BRSK2: variants seen among roughly 807,000 people sequenced by gnomAD.
The protein encoded by BRSK2 is serine/threonine-protein kinase BRSK2.
In BRSK2, 19 loss-of-function variants were observed where a neutral mutation model predicts 83.3. The ratio of observed to expected loss-of-function variants is 0.23; its 90% CI spans 0.16 to 0.33. The LOEUF (loss-of-function observed/expected upper bound fraction) is 0.33, where lower values mean the gene tolerates loss of function less well. BRSK2 is among the 10% of genes least tolerant of loss of function. The pLI, the probability that BRSK2 is intolerant of heterozygous loss-of-function variation, is 1.00. For synonymous variants in BRSK2, 519 were observed against 435.4 expected (o/e 1.19, Z -2.39); for missense variants, 798 against 1,042.3 (o/e 0.77, Z 3.23).
chr11:1,426,597 C>T (rs553348020), intron 1 of BRSK2, among the ~76,000 whole-genome samples: 12 of 152,152 alleles, frequency 7.9e-5, no homozygotes, highest in East Asian at 7.7e-4. Flanking sequence ...GTGAAGGTGC[C>T]GCGTGTCTTC....
At chr11:1,418,379 G>A (rs1216710361) in intron 1 of BRSK2, among the ~76,000 whole-genome samples, 1 of 147,932 alleles carries the variant, frequency 6.8e-6, no homozygotes, top group East Asian at 2.0e-4. Context: ...TTGAGAGTGG[G>A]TCACCTGTAT....
intron 14 of BRSK2, 117 bp from the exon 15 acceptor site, chr11:1,451,254 T>C (rs745627668): frequency 6.6e-6 from 8 of 1,207,898 alleles, no homozygotes; most frequent in Non-Finnish European, 9.7e-6. Context: ...CTGGGGGGGC[T>C]GTCCCAGTGT....
intron 3 of BRSK2, among the ~76,000 whole-genome samples, chr11:1,440,350 C>T (rs1044188405): frequency 6.6e-6 from 1 of 152,174 alleles, no homozygotes; most frequent in Non-Finnish European, 1.5e-5. Context: ...CCCCTGGATG[C>T]GGCTGCGTGG....
intron 8 of BRSK2, 42 bp from the exon 9 acceptor site, chr11:1,444,929 G>GT (rs1204891174): frequency 1.3e-6 from 2 of 1,593,632 alleles, no homozygotes; most frequent in African/African-American, 2.7e-5. Flanking sequence ...GGCTCTTTCC[G>GT]TCCCTCGTCC....
Position 1,460,460 on chromosome 11 carries a change from C to CTTTTTTTTTTTTTTTT in BRSK2, c.1988-40_1988-39insTTTTTTTTTTTTTTTT, listed in dbSNP as rs781049550. The CTTTTTTTTTTTTTTTT allele has an allele frequency of 3.6e-6, 4 of 1,122,766 alleles. 1 individual carries two copies. The highest frequency in any genetic ancestry group is 4.5e-6 in the Non-Finnish European group (4 of 890,118). The allele number at this position is 1,122,766 out of a possible 1,614,324, so 69.6% of individuals were successfully genotyped here. A position where few individuals can be genotyped will look rare whatever the true frequency, so the allele number is the denominator to read the frequency against. On this transcript the variant is annotated intron_variant, in intron 19 of 19. Transcript: ENST00000528841. The stretch of plus-strand genomic sequence containing the variant: ...TCTCTCCCCCTTTTTTTTCTTTTTT[C>CTTTTTTTTTTTTTTTT]CTTTTTTTTTTTTTTTTTGTCTCTG...
chr11:1,440,198 C>A (rs1325246089), intron 3 of BRSK2, among the ~76,000 whole-genome samples: 1 of 152,168 alleles, frequency 6.6e-6, no homozygotes, highest in Non-Finnish European at 1.5e-5. Context: ...TCAGGACCCT[C>A]CATGTGGCTG....
At chr11:1,439,243 C>A (rs191024123) in intron 3 of BRSK2, among the ~76,000 whole-genome samples, 1 of 152,204 alleles carries the variant, frequency 6.6e-6, no homozygotes, top group African/African-American at 2.4e-5. Context: ...TCCCCTTCCC[C>A]CAGCAGCAAC....
intron 12 of BRSK2, among the ~76,000 whole-genome samples, chr11:1,449,391 T>G (rs1590639172): frequency 6.6e-6 from 1 of 152,218 alleles, no homozygotes; most frequent in African/African-American, 2.4e-5. Flanking sequence ...GCTTGGCAGG[T>G]GGGAGGCTGG....
chr11:1,460,597 G>C lies in BRSK2; in HGVS notation c.2085G>C (p.Arg695=). ...AGGCCCCCAGCACGCCCGCCAAGCGGAGTGCCCACGGCCCACTCGGTGACT... is the reference window on the plus strand; with the variant it reads ...AGGCCCCCAGCACGCCCGCCAAGCGCAGTGCCCACGGCCCACTCGGTGACT... ...AAQAPSTPAK[R]SAHGPLGDSA... Residue 695 remains arginine, a synonymous_variant, in exon 20 of 20, where the codon CGG becomes CGC. Transcript: ENST00000528841. The C allele has an allele frequency of 6.5e-7, 1 of 1,532,882 alleles. No homozygotes were observed. Among genetic ancestry groups the C allele is most frequent in the Non-Finnish European group, 8.7e-7 (1 of 1,145,068 alleles). 95.0% of individuals were successfully genotyped at this position (1,532,882 alleles called of 1,614,324 possible). A position where few individuals can be genotyped will look rare whatever the true frequency, so the allele number is the denominator to read the frequency against.
intron 1 of BRSK2, among the ~76,000 whole-genome samples, chr11:1,421,666 G>A (rs916233522): frequency 1.3e-5 from 2 of 152,154 alleles, no homozygotes; most frequent in African/African-American, 2.4e-5. Context: ...TGAGGGCCTC[G>A]CTCCTTCCTG....
At chr11:1,460,052 C>T (rs1000531021) in intron 19 of BRSK2, among the ~76,000 whole-genome samples, 2 of 130,392 alleles carry the variant, frequency 1.5e-5, no homozygotes, top group African/African-American at 2.9e-5. Context: ...TCATCTCCGG[C>T]GTTGGGGTGG....
chr11:1,443,250 C>A, intron 6 of BRSK2, 85 bp from the exon 7 acceptor site: 1 of 1,522,002 alleles, frequency 6.6e-7, no homozygotes. Flanking sequence ...TGCCTGTCCC[C>A]GGGCCGACTC....
At position 1,423,538 on chromosome 11, in the gene BRSK2, C is replaced by G. The variant is rs994481852; in HGVS notation, c.92-12502C>G. ...TCGTGTGAGCAGAGGACGGCACTCG[C>G]GAGCTCCCTGGGGCTCCTCAGACCC... is the stretch of plus-strand genomic sequence containing the variant. On this transcript the variant is annotated intron_variant, in intron 1 of 19. Transcript: ENST00000528841. This position sits in a 1 kb window ranked among gnomAD's most constrained non-coding sequence, Gnocchi z 6.5. Among the ~76,000 whole-genome samples the G allele has an allele frequency of 6.6e-6, 1 of 152,094 alleles. No individual in the cohort carries two copies. The highest frequency in any genetic ancestry group is 2.4e-5 in the African/African-American group (1 of 41,400).
rs765134335 is a variant in BRSK2 at position 1,451,329 on chromosome 11, G to A, written c.1496-42G>A. 6 of 1,611,062 alleles carry A rather than the reference G, an allele frequency of 3.7e-6. No individual in the cohort carries two copies. In the African/African-American group the frequency reaches 6.7e-5, roughly 18 times the overall value. On this transcript the variant is annotated intron_variant, in intron 14 of 19. Transcript: ENST00000528841. ...GTGGCCAGGGCAGGGGAAGGATGGA[G>A]CGGTCACCACGCCTTTCCTCCTGTT...
At chr11:1,458,060 G>C (rs1846863124) in intron 18 of BRSK2, among the ~76,000 whole-genome samples, 1 of 152,150 alleles carries the variant, frequency 6.6e-6, no homozygotes. Flanking sequence ...CTTCATCTTA[G>C]GAAGGGAAAC....
intron 1 of BRSK2, among the ~76,000 whole-genome samples, chr11:1,416,842 A>G (rs1163708644): frequency 1.3e-5 from 2 of 152,106 alleles, no homozygotes; most frequent in Admixed American, 6.6e-5. Flanking sequence ...CATTTGGGGA[A>G]ATTCTTCATT....
chr11:1,440,635 G>A (rs1044114294), intron 3 of BRSK2, among the ~76,000 whole-genome samples, 153 bp from the exon 4 acceptor site: 4 of 150,652 alleles, frequency 2.7e-5, no homozygotes, highest in Admixed American at 1.3e-4. Context: ...ATCCACCATA[G>A]TCAGGGCTCC....
intron 18 of BRSK2, chr11:1,456,935 G>T: frequency 6.3e-7 from 1 of 1,596,100 alleles, no homozygotes; most frequent in Non-Finnish European, 8.5e-7. Flanking sequence ...ACACTGAAAG[G>T]CGCCTCTTGT....
Position 1,445,920 on chromosome 11 carries a change from C to G in BRSK2, c.1226+13C>G, listed in dbSNP as rs372694536. On this transcript the variant is annotated intron_variant, in intron 12 of 19. Transcript: ENST00000528841. Reference sequence around the variant, plus strand: ...AGCACGGCCAGAGGTGTGTGTGCCCCGAGGCTGCTGGGCCTCCCTCCCTGG... The same window carrying G: ...AGCACGGCCAGAGGTGTGTGTGCCCGGAGGCTGCTGGGCCTCCCTCCCTGG... The G allele has an allele frequency of 8.2e-6, 13 of 1,594,896 alleles. No individual in the cohort carries two copies. Among genetic ancestry groups the G allele is most frequent in the Non-Finnish European group, 1.1e-5 (13 of 1,169,070 alleles).
Sources: allele counts gnomAD v4.1 joint callset (sites outside exome capture counted in the v4.1 genomes callset), GRCh38; gene constraint gnomAD v4.1.1; non-coding constraint Gnocchi (gnomAD v3.1); transcripts MANE v1.5; gene names NCBI Gene and HGNC (gene_info 2026-07-23, HGNC 2026-07-21).